RAB18: variants seen among roughly 807,000 people sequenced by gnomAD.
RAB18 encodes the protein RAB18, member RAS oncogene family.
In RAB18, 10 loss-of-function variants were observed where a neutral mutation model predicts 28.5. The observed-to-expected ratio is 0.35, with a 90% confidence interval of 0.22 to 0.60. The LOEUF (loss-of-function observed/expected upper bound fraction) is 0.60. Among genes scored for constraint, RAB18 ranks in the 20% least tolerant of loss-of-function variants. The pLI, the probability that RAB18 is intolerant of heterozygous loss-of-function variation, is 0.78. For synonymous variants in RAB18, 93 were observed against 86.9 expected (o/e 1.07, Z -0.39); for missense variants, 188 against 244.2 (o/e 0.77, Z 1.53).
chr10:27,541,750 GTGAC>G lies in RAB18; in HGVS notation c.*3705_*3708del, dbSNP rs759695566. 293 of 452,192 alleles carry G rather than the reference GTGAC, an allele frequency of 6.5e-4. No individual in the cohort carries two copies. Among genetic ancestry groups the G allele is most frequent in the Non-Finnish European group, 1.0e-3 (230 of 226,396 alleles). 28.0% of individuals were successfully genotyped at this position (452,192 alleles called of 1,614,324 possible). A position where few individuals can be genotyped will look rare whatever the true frequency, so the allele number is the denominator to read the frequency against. The stretch of plus-strand genomic sequence containing the variant: ...TTTTAATATTTTATTGGATATGTTT[GTGAC>G]TGACTTTAATTTCTTGTTTGTGTGT... On this transcript the variant is annotated 3_prime_UTR_variant, in exon 7 of 7. Coordinates refer to ENST00000356940, the MANE Select transcript of RAB18 (RefSeq NM_021252.5).
intron 2 of RAB18, 86 bp downstream of exon 2, chr10:27,510,016 T>A: frequency 1.0e-6 from 1 of 996,540 alleles, no homozygotes; most frequent in South Asian, 1.3e-5. Context: ...TACCTTCCTC[T>A]CACCACCCCA....
chr10:27,527,427 C>T (rs538417691), intron 3 of RAB18, among the ~76,000 whole-genome samples: 1 of 152,184 alleles, frequency 6.6e-6, no homozygotes, highest in Admixed American at 6.5e-5. Context: ...CTAGACCGCT[C>T]ATGCTAGTGT....
At chr10:27,515,165 G>T (rs1834410119) in intron 2 of RAB18, among the ~76,000 whole-genome samples, 1 of 152,248 alleles carries the variant, frequency 6.6e-6, no homozygotes, top group South Asian at 2.1e-4. Flanking sequence ...GCTGTGACAG[G>T]ATCACATGGT....
intron 2 of RAB18, among the ~76,000 whole-genome samples, chr10:27,523,478 C>G (rs1015912333): frequency 2.0e-5 from 3 of 151,738 alleles, no homozygotes; most frequent in African/African-American, 4.8e-5. Context: ...TTCTTTGAAC[C>G]TTTTCTTTCT....
intron 1 of RAB18, chr10:27,504,704 G>C: frequency 1.4e-6 from 1 of 696,184 alleles, no homozygotes; most frequent in Non-Finnish European, 2.7e-6. Context: ...ACCATTCCGA[G>C]GGCCGCCGCT....
chr10:27,541,767 C>G lies in RAB18; in HGVS notation c.*3716C>G, dbSNP rs764132620. The stretch of plus-strand genomic sequence containing the variant: ...ATATGTTTGTGACTGACTTTAATTT[C>G]TTGTTTGTGTGTGCTGTGGCTGCCC... On this transcript the variant is annotated 3_prime_UTR_variant, in exon 7 of 7. Transcript: ENST00000356940. 1.3e-5 allele frequency: 6 copies of G among 452,398 alleles called. No individual in the cohort carries two copies. The highest frequency in any genetic ancestry group is 7.1e-5 in the Admixed American group (3 of 42,332). 28.0% of individuals were successfully genotyped at this position (452,398 alleles called of 1,614,324 possible).
At chr10:27,509,460 AT>A (rs1834282047) in intron 1 of RAB18, among the ~76,000 whole-genome samples, 1 of 152,200 alleles carries the variant, frequency 6.6e-6, no homozygotes, top group African/African-American at 2.4e-5. Context: ...GGATTACACA[AT>A]CAGATTTTTT....
chr10:27,510,507 A>C (rs1834303910), intron 2 of RAB18: 1 of 160,626 alleles, frequency 6.2e-6, no homozygotes, highest in Non-Finnish European at 1.4e-5. Flanking sequence ...ACTTATGAGA[A>C]TATATGAGAA....
chr10:27,520,887 A>G (rs1408916903), intron 2 of RAB18, among the ~76,000 whole-genome samples: 1 of 124,644 alleles, frequency 8.0e-6, no homozygotes, highest in African/African-American at 3.1e-5. Flanking sequence ...ACTGCACTCC[A>G]GCCTGGGTGA....
At chr10:27,517,744 T>G (rs1300643574) in intron 2 of RAB18, among the ~76,000 whole-genome samples, 1 of 152,220 alleles carries the variant, frequency 6.6e-6, no homozygotes, top group African/African-American at 2.4e-5. Flanking sequence ...TTTTAACATA[T>G]GTATTAAAAC....
At chr10:27,527,596 A>ATTAC (rs72459558) in intron 3 of RAB18, among the ~76,000 whole-genome samples, 5 of 38,162 alleles carry the variant, frequency 1.3e-4, no homozygotes. Flanking sequence ...ATATATGTAT[A>ATTAC]TTCTAAATAT....
rs1835020402 is a variant in RAB18 at position 27,541,230 on chromosome 10, C to T, written c.*3179C>T. 1 of 453,860 alleles carries T rather than the reference C, an allele frequency of 2.2e-6. No homozygotes were observed. The highest frequency in any genetic ancestry group is 4.4e-6 in the Non-Finnish European group (1 of 226,782). The allele number at this position is 453,860 out of a possible 1,614,324, so 28.1% of individuals were successfully genotyped here. ...CTCCGACCCTGCCGTGTATACTCAA[C>T]TATATAGACTTCACCCTGGGTTTTG... is the stretch of plus-strand genomic sequence containing the variant. On this transcript the variant is annotated 3_prime_UTR_variant, in exon 7 of 7. Coordinates refer to ENST00000356940, the MANE Select transcript of RAB18 (RefSeq NM_021252.5).
chr10:27,534,586 G>T (rs1262897099), intron 6 of RAB18, among the ~76,000 whole-genome samples: 1 of 152,196 alleles, frequency 6.6e-6, no homozygotes, highest in Non-Finnish European at 1.5e-5. Context: ...GGCCCACGAA[G>T]CCTAAATATT....
chr10:27,537,527 A>G (rs2132414642), intron 6 of RAB18, among the ~76,000 whole-genome samples: 1 of 152,318 alleles, frequency 6.6e-6, no homozygotes, highest in African/African-American at 2.4e-5. Context: ...AATAGGAATA[A>G]TATCTGCCTT....
chr10:27,519,608 T>C (rs1459266411), intron 2 of RAB18, among the ~76,000 whole-genome samples: 1 of 152,118 alleles, frequency 6.6e-6, no homozygotes, highest in Non-Finnish European at 1.5e-5. Context: ...CAGGGCTAAA[T>C]TTACCGAAAT....
At chr10:27,506,414 T>G (rs1837838619) in intron 1 of RAB18, among the ~76,000 whole-genome samples, 1 of 152,132 alleles carries the variant, frequency 6.6e-6, no homozygotes, top group African/African-American at 2.4e-5. Flanking sequence ...CTCAATCTCC[T>G]GGGCTCAAGT....
chr10:27,523,249 C>T (rs1157259876), intron 2 of RAB18, among the ~76,000 whole-genome samples: 1 of 140,788 alleles, frequency 7.1e-6, no homozygotes, highest in Non-Finnish European at 1.5e-5. Flanking sequence ...TATGATGTCT[C>T]CGAGTTTTTC....
At chr10:27,520,589 G>A (rs1482552769) in intron 2 of RAB18, among the ~76,000 whole-genome samples, 2 of 151,688 alleles carry the variant, frequency 1.3e-5, no homozygotes, top group East Asian at 3.9e-4. Flanking sequence ...TTGATTTGAA[G>A]TTTTATTTCC....
At chr10:27,523,151 G>A (rs1289902714) in intron 2 of RAB18, among the ~76,000 whole-genome samples, 2 of 151,398 alleles carry the variant, frequency 1.3e-5, no homozygotes, top group East Asian at 3.9e-4. Flanking sequence ...TTCCTATTAA[G>A]TATTGCTTAA....
Sources: gnomAD v4.1 joint callset for allele counts (sites outside exome capture counted in the v4.1 genomes callset) on GRCh38, gnomAD v4.1.1 for gene constraint, MANE v1.5 for transcripts, NCBI Gene and HGNC (gene_info 2026-07-23, HGNC 2026-07-21) for gene names.